NALCN: variants seen among roughly 807,000 people sequenced by gnomAD.
The protein encoded by NALCN is sodium leak channel, non-selective, also known as sodium leak channel NALCN.
In NALCN, 111 loss-of-function variants were observed where a neutral mutation model predicts 225.3. The observed-to-expected ratio is 0.49, with a 90% CI of 0.42 to 0.58. The LOEUF is 0.58. NALCN is among the 20% of genes least tolerant of loss of function. The pLI, the probability that NALCN is intolerant of heterozygous loss-of-function variation, is 0.00. For missense variants in NALCN, 1,378 were observed against 2,202.4 expected (o/e 0.63, Z 7.49); for synonymous variants, 764 against 769.0 (o/e 0.99, Z 0.11).
At chr13:101,108,786 T>C (rs1229712718) in intron 20 of NALCN, among the ~76,000 whole-genome samples, 1 of 152,206 alleles carries the variant, frequency 6.6e-6, no homozygotes, top group Non-Finnish European at 1.5e-5. Context: ...CAGTAGATTT[T>C]ACAGAAAGCA....
intron 3 of NALCN, among the ~76,000 whole-genome samples, chr13:101,383,457 A>G (rs899833673): frequency 6.6e-6 from 1 of 152,200 alleles, no homozygotes; most frequent in Non-Finnish European, 1.5e-5. Flanking sequence ...GTGTATTCTG[A>G]AGATGAGTAA....
At chr13:101,415,797 A>C (rs918341190) in intron 1 of NALCN, among the ~76,000 whole-genome samples, 1 of 152,164 alleles carries the variant, frequency 6.6e-6, no homozygotes, top group African/African-American at 2.4e-5. Context: ...TGCTGGAGCC[A>C]GGCTGCCCAC....
intron 18 of NALCN, among the ~76,000 whole-genome samples, chr13:101,114,301 G>GT (rs1684672645): frequency 6.6e-6 from 1 of 152,156 alleles, no homozygotes; most frequent in Non-Finnish European, 1.5e-5. Context: ...AAGTAAAGAT[G>GT]ATTATGAATG....
intron 10 of NALCN, among the ~76,000 whole-genome samples, chr13:101,281,147 C>T (rs1467177058): frequency 6.6e-6 from 1 of 152,160 alleles, no homozygotes; most frequent in Non-Finnish European, 1.5e-5. Flanking sequence ...TCCCAAAATG[C>T]TGGAATTACT....
At chr13:101,123,865 T>C (rs542916987) in intron 18 of NALCN, among the ~76,000 whole-genome samples, 142 of 152,326 alleles carry the variant, frequency 9.3e-4, no homozygotes, top group Middle Eastern at 3.4e-3. Flanking sequence ...AGAAGGGAGC[T>C]AGAACTCCTT....
intron 7 of NALCN, among the ~76,000 whole-genome samples, chr13:101,297,369 C>A (rs1438579089): frequency 6.6e-6 from 1 of 152,196 alleles, no homozygotes; most frequent in Non-Finnish European, 1.5e-5. Flanking sequence ...TACCCAAGGG[C>A]TTGGTCTGAA....
chr13:101,297,690 C>A (rs1566545860), intron 7 of NALCN, among the ~76,000 whole-genome samples: 1 of 152,198 alleles, frequency 6.6e-6, no homozygotes, highest in African/African-American at 2.4e-5. Context: ...CTTTGTGTTA[C>A]TCGGGTCATC....
At chr13:101,080,707 C>A (rs1479182681) in intron 34 of NALCN, among the ~76,000 whole-genome samples, 1 of 145,420 alleles carries the variant, frequency 6.9e-6, no homozygotes, top group Non-Finnish European at 1.5e-5. Context: ...CATAATGCAT[C>A]TTTTAATTAA....
At chr13:101,159,987 T>A (rs544385578) in intron 15 of NALCN, among the ~76,000 whole-genome samples, 1 of 148,908 alleles carries the variant, frequency 6.7e-6, no homozygotes. Flanking sequence ...CGGAGTCTCA[T>A]TCTGTCGCCC....
At chr13:101,073,540 G>A in intron 37 of NALCN, 44 bp downstream of exon 37, 1 of 1,498,108 alleles carries the variant, frequency 6.7e-7, no homozygotes, top group Non-Finnish European at 9.2e-7. Context: ...AGAGTTTCAT[G>A]CTGATTCTAA....
chr13:101,197,377 A>G (rs565594719), intron 13 of NALCN, among the ~76,000 whole-genome samples: 68 of 152,138 alleles, frequency 4.5e-4, no homozygotes, highest in African/African-American at 1.6e-3. Context: ...AGAAAATGGC[A>G]TGAAATTGTA....
chr13:101,133,535 T>C lies in NALCN; in HGVS notation c.2119-8854A>G, dbSNP rs1287677977. ...AAGTCTCCCAAATAAAATATAGTAATTGGGAATAAGCAATTACTTAAAATT... is the reference window on the plus strand; with the variant it reads ...AAGTCTCCCAAATAAAATATAGTAACTGGGAATAAGCAATTACTTAAAATT... On this transcript the variant is annotated intron_variant, in intron 17 of 43. Coordinates refer to ENST00000251127, the MANE Select transcript of NALCN (RefSeq NM_052867.4). 2.6e-5 allele frequency among the ~76,000 whole-genome samples: 4 copies of C among 152,334 alleles called. No homozygotes were observed. The East Asian group carries it at 7.7e-4, about 29-fold the overall frequency.
intron 15 of NALCN, among the ~76,000 whole-genome samples, chr13:101,159,392 T>G (rs2038055044): frequency 6.6e-6 from 1 of 152,158 alleles, no homozygotes; most frequent in Non-Finnish European, 1.5e-5. Flanking sequence ...GACCCAGCTC[T>G]TCATCATGGC....
At chr13:101,335,252 T>C (rs2045340180) in intron 7 of NALCN, among the ~76,000 whole-genome samples, 1 of 152,200 alleles carries the variant, frequency 6.6e-6, no homozygotes, top group African/African-American at 2.4e-5. Context: ...TGCCTGCAAT[T>C]TCTGCCTTTA....
intron 7 of NALCN, among the ~76,000 whole-genome samples, chr13:101,313,055 A>G (rs1566563901): frequency 1.3e-5 from 2 of 152,230 alleles, no homozygotes; most frequent in African/African-American, 4.8e-5. Flanking sequence ...GTTCTTTGAC[A>G]AACCTGACAA....
chr13:101,347,607 A>G (rs1287784210), intron 6 of NALCN, among the ~76,000 whole-genome samples: 4 of 152,192 alleles, frequency 2.6e-5, no homozygotes, highest in Non-Finnish European at 5.9e-5. Flanking sequence ...TACCTACAAT[A>G]TAACAGTAAG....
chr13:101,187,233 C>T (rs1315300542), intron 14 of NALCN, among the ~76,000 whole-genome samples: 1 of 152,122 alleles, frequency 6.6e-6, no homozygotes, highest in Non-Finnish European at 1.5e-5. Context: ...TTGTTGATTT[C>T]TTACTATGCC....
chr13:101,282,224 T>C (rs2043190744), intron 10 of NALCN, among the ~76,000 whole-genome samples: 1 of 152,196 alleles, frequency 6.6e-6, no homozygotes, highest in Non-Finnish European at 1.5e-5. Flanking sequence ...ACTGCAGCGT[T>C]ATTCACAATG....
intron 7 of NALCN, among the ~76,000 whole-genome samples, chr13:101,333,008 G>A (rs1176511035): frequency 6.6e-6 from 1 of 151,910 alleles, no homozygotes; most frequent in African/African-American, 2.4e-5. Context: ...TCTGTTTGAG[G>A]GCTGTTCATA....
Sources: allele counts gnomAD v4.1 joint callset (sites outside exome capture counted in the v4.1 genomes callset), GRCh38; gene constraint gnomAD v4.1.1; transcripts MANE v1.5; gene names NCBI Gene and HGNC (gene_info 2026-07-23, HGNC 2026-07-21).